The following NAALADL2 variants were observed in gnomAD, a reference collection of about 807,000 sequenced individuals.
NAALADL2 encodes the protein inactive N-acetylated-alpha-linked acidic dipeptidase-like protein 2.
In NAALADL2, 76 loss-of-function variants were observed where a neutral mutation model predicts 87.2. The observed-to-expected ratio is 0.87, with a 90% CI of 0.72 to 1.05. NAALADL2 has a LOEUF of 1.05. Among genes scored for constraint, NAALADL2 ranks in the 50% least tolerant of loss-of-function variants. The pLI is 0.00. For missense variants in NAALADL2, 1,089 were observed against 945.8 expected (o/e 1.15, Z -1.99); for synonymous variants, 354 against 331.0 (o/e 1.07, Z -0.75).
At chr3:174,982,759 G>A (rs1409133363) in intron 1 of NAALADL2, among the ~76,000 whole-genome samples, 5 of 152,056 alleles carry the variant, frequency 3.3e-5, no homozygotes, top group African/African-American at 1.2e-4. Flanking sequence ...ATGATGACGT[G>A]TTAGATAATG....
chr3:175,538,533 A>T (rs904054446), intron 9 of NAALADL2, among the ~76,000 whole-genome samples: 1 of 152,156 alleles, frequency 6.6e-6, no homozygotes. Context: ...TTTCTTCCCA[A>T]ACAAACATTA....
intron 11 of NAALADL2, among the ~76,000 whole-genome samples, chr3:175,637,972 C>A (rs1409117003): frequency 6.6e-6 from 1 of 151,864 alleles, no homozygotes; most frequent in Non-Finnish European, 1.5e-5. Context: ...AATTTAATGT[C>A]TAAAGAATGG....
At position 174,981,070 on chromosome 3, in the gene NAALADL2, C is replaced by T. The variant is rs141404898; in HGVS notation, c.44-115720C>T. Among the ~76,000 whole-genome samples, 570 of 152,198 alleles carry T rather than the reference C, an allele frequency of 3.7e-3. 2 individuals are homozygous for T. Among genetic ancestry groups the T allele is most frequent in the African/African-American group, 0.013 (539 of 41,536 alleles). ...CAAACCTTAAATTATGAAAATAAAA[C>T]CTTACTTTTCTCTTAAAATATTCAA... On this transcript the variant is annotated intron_variant, in intron 1 of 13. Coordinates refer to ENST00000454872, the MANE Select transcript of NAALADL2 (RefSeq NM_207015.3).
chr3:175,643,621 C>G (rs564686622), intron 11 of NAALADL2, among the ~76,000 whole-genome samples: 1 of 152,168 alleles, frequency 6.6e-6, no homozygotes, highest in South Asian at 2.1e-4. Context: ...TGTTTTAAGT[C>G]AGAAAAATGA....
chr3:175,140,994 G>T (rs933580879), intron 2 of NAALADL2, among the ~76,000 whole-genome samples: 1 of 152,070 alleles, frequency 6.6e-6, no homozygotes, highest in African/African-American at 2.4e-5. Context: ...AATTCAGTGG[G>T]GTTTTAATTG....
At chr3:175,026,183 GATTCT>G (rs1407817430) in intron 1 of NAALADL2, among the ~76,000 whole-genome samples, 1 of 152,028 alleles carries the variant, frequency 6.6e-6, no homozygotes, top group Non-Finnish European at 1.5e-5. Flanking sequence ...AGAAGTGCTA[GATTCT>G]ATGGATTTAA....
At chr3:175,249,409 A>G (rs1435286407) in intron 3 of NAALADL2, among the ~76,000 whole-genome samples, 1 of 152,182 alleles carries the variant, frequency 6.6e-6, no homozygotes, top group African/African-American at 2.4e-5. Flanking sequence ...TTATTAAACA[A>G]TTTGACACAA....
intron 9 of NAALADL2, among the ~76,000 whole-genome samples, chr3:175,473,012 G>A (rs1375592253): frequency 6.6e-6 from 1 of 152,090 alleles, no homozygotes; most frequent in Admixed American, 6.6e-5. Context: ...GTTTAAAAAT[G>A]TGTCATTTTC....
chr3:175,726,145 G>A (rs369167113), intron 11 of NAALADL2, among the ~76,000 whole-genome samples: 6 of 151,418 alleles, frequency 4.0e-5, no homozygotes, highest in African/African-American at 1.5e-4. Flanking sequence ...CATTAAAAAT[G>A]CCAAAAAGCT....
chr3:174,773,931 T>A (rs2109118473), intron 3 of NAALADL2, among the ~76,000 whole-genome samples: 1 of 152,310 alleles, frequency 6.6e-6, no homozygotes, highest in African/African-American at 2.4e-5. Flanking sequence ...TTTGTAAATT[T>A]GAAATTCTTT....
At chr3:175,267,961 T>C (rs1411778302) in intron 4 of NAALADL2, among the ~76,000 whole-genome samples, 2 of 152,210 alleles carry the variant, frequency 1.3e-5, no homozygotes, top group African/African-American at 4.8e-5. Flanking sequence ...AAATGCTCAA[T>C]AAACATTTAT....
chr3:175,129,972 G>A (rs761845792), intron 2 of NAALADL2, among the ~76,000 whole-genome samples: 1 of 152,048 alleles, frequency 6.6e-6, no homozygotes, highest in Non-Finnish European at 1.5e-5. Context: ...GCCAACACTT[G>A]TCTCTTGTCT....
At chr3:174,795,745 G>C (rs1462566812) in intron 3 of NAALADL2, among the ~76,000 whole-genome samples, 1 of 152,108 alleles carries the variant, frequency 6.6e-6, no homozygotes, top group Non-Finnish European at 1.5e-5. Flanking sequence ...TGAATATGAA[G>C]TAATATAATG....
chr3:175,503,425 T>C (rs560454769), intron 9 of NAALADL2, among the ~76,000 whole-genome samples: 2 of 152,170 alleles, frequency 1.3e-5, no homozygotes, highest in African/African-American at 2.4e-5. Context: ...GAACAACTTA[T>C]ATTCATTTGT....
At chr3:175,207,751 G>A (rs960521708) in intron 2 of NAALADL2, among the ~76,000 whole-genome samples, 1 of 152,028 alleles carries the variant, frequency 6.6e-6, no homozygotes, top group Non-Finnish European at 1.5e-5. Context: ...CCTTTTATAT[G>A]ATGTTTAAAG....
rs970387431 is a variant in NAALADL2 at position 175,575,739 on chromosome 3, G to C, written c.1654-302G>C. ...TTTAAATATCGTCAGAGTCATCAGA[G>C]TTCAAATTCAGCTTATGATAAAAAA... is the stretch of plus-strand genomic sequence containing the variant. On this transcript the variant is annotated intron_variant, in intron 9 of 13. Transcript: ENST00000454872. 2.0e-5 allele frequency among the ~76,000 whole-genome samples: 3 copies of C among 152,120 alleles called. No individual in the cohort carries two copies. In the South Asian group the frequency reaches 6.2e-4, roughly 31 times the overall value.
intron 9 of NAALADL2, among the ~76,000 whole-genome samples, chr3:175,479,859 C>T (rs1056361179): frequency 1.3e-4 from 20 of 151,670 alleles, no homozygotes; most frequent in African/African-American, 4.6e-4. Flanking sequence ...TATTTTAATC[C>T]TGAAAAAACA....
intron 3 of NAALADL2, among the ~76,000 whole-genome samples, chr3:174,766,648 T>G (rs1281598521): frequency 1.6e-4 from 24 of 152,234 alleles, no homozygotes; most frequent in Admixed American, 1.6e-3. Context: ...ATTTAAACAC[T>G]AATTGCTTCT....
chr3:174,725,185 T>C (rs1732069753), intron 2 of NAALADL2, among the ~76,000 whole-genome samples: 1 of 152,218 alleles, frequency 6.6e-6, no homozygotes, highest in South Asian at 2.1e-4. Context: ...GAAAGCTTCT[T>C]CTCTACTTTT....
Sources: gnomAD v4.1 joint callset for allele counts (sites outside exome capture counted in the v4.1 genomes callset) on GRCh38, gnomAD v4.1.1 for gene constraint, MANE v1.5 for transcripts, NCBI Gene and HGNC (gene_info 2026-07-23, HGNC 2026-07-21) for gene names.